Variants in SLC6A6 observed in about 807,000 individuals in gnomAD.
The protein encoded by SLC6A6 is sodium- and chloride-dependent taurine transporter.
SLC6A6 carries 16 observed loss-of-function variants against 68.8 expected under a neutral mutation model. That is an observed-to-expected ratio of 0.23 (90% CI 0.16 to 0.35). The LOEUF (loss-of-function observed/expected upper bound fraction) is 0.35, where lower values mean the gene tolerates loss of function less well. SLC6A6 is among the 10% of genes least tolerant of loss of function. The probability of loss-of-function intolerance (pLI) is 1.00; values close to 1 mark genes in which losing one functional copy is unlikely to be tolerated. For missense variants in SLC6A6, 474 were observed against 802.8 expected, an observed-to-expected ratio of 0.59 and a Z score of 4.95; for synonymous variants, 312 against 315.4, an observed-to-expected ratio of 0.99 and a Z score of 0.12.
chr3:14,424,909 C>T lies in SLC6A6; in HGVS notation c.-12+8456C>T, dbSNP rs116216266. ...CTATTGAAGGAAGCTCGGTCGAAGCCGCCTGTTTGACACACAACACCGGCT... is the reference window on the plus strand; with the variant it reads ...CTATTGAAGGAAGCTCGGTCGAAGCTGCCTGTTTGACACACAACACCGGCT... On this transcript the variant is annotated intron_variant, in intron 2 of 14. Transcript: ENST00000622186. 6.5e-3 allele frequency among the ~76,000 whole-genome samples: 992 copies of T among 152,222 alleles called. 10 individuals carry two copies. Among genetic ancestry groups the T allele is most frequent in the African/African-American group, 0.022 (924 of 41,514 alleles).
intron 1 of SLC6A6, among the ~76,000 whole-genome samples, chr3:14,408,593 C>T (rs371879292): frequency 7.4e-4 from 112 of 152,236 alleles, no homozygotes; most frequent in African/African-American, 8.9e-4. Flanking sequence ...CCTTGGCCTT[C>T]GAAAATGCTG....
chr3:14,479,447 G>A (rs148834422), intron 13 of SLC6A6, among the ~76,000 whole-genome samples: 1 of 152,282 alleles, frequency 6.6e-6, no homozygotes, highest in Non-Finnish European at 1.5e-5. Context: ...CGGGGCCAAG[G>A]CATCCTAAAA....
rs78644671 is a variant in SLC6A6, at chr3:14,409,489, A to G, written c.-54+6642A>G. Among the ~76,000 whole-genome samples, 789 of 152,350 alleles carry G rather than the reference A, an allele frequency of 5.2e-3. 7 individuals carry two copies. Among genetic ancestry groups the G allele is most frequent in the African/African-American group, 0.018 (763 of 41,584 alleles). The stretch of plus-strand genomic sequence containing the variant: ...GCCCCAGCCCACACTCAGCTAGGAA[A>G]GGGTGGAAGGAGCGCTGGACCCAGA... On this transcript the variant is annotated intron_variant, in intron 1 of 14. Transcript: ENST00000622186.
At chr3:14,412,360 A>G (rs1699269408) in intron 1 of SLC6A6, among the ~76,000 whole-genome samples, 1 of 152,218 alleles carries the variant, frequency 6.6e-6, no homozygotes, top group Non-Finnish European at 1.5e-5. Flanking sequence ...TAGAATATCA[A>G]TTAGAACAGA....
At position 14,477,330 on chromosome 3, in the gene SLC6A6, G is replaced by C. The variant is rs1480425493; in HGVS notation, c.1335G>C (p.Thr445=). 4 of 1,614,088 alleles carry C rather than the reference G, an allele frequency of 2.5e-6. No homozygotes were observed. The highest frequency in any genetic ancestry group is 1.3e-5 in the African/African-American group (1 of 75,044). ...VCSISYLLGL[T]MVTEGGMYVF... ...GCATCAGCTACCTGCTGGGGCTGAC[G>C]ATGGTGACGGAGGTAGGTGGCTCTC... The change falls in exon 11 of 15, where the codon ACG becomes ACC. Residue 445 remains threonine, a synonymous_variant. Coordinates refer to ENST00000622186, the MANE Select transcript of SLC6A6 (RefSeq NM_003043.6). This position sits in a 1 kb window ranked among gnomAD's most constrained non-coding sequence, Gnocchi z 4.2.
Position 14,484,946 on chromosome 3 carries a change from G to A in SLC6A6, c.1802G>A (p.Arg601His), listed in dbSNP as rs200063855. ...EREGATPYNS[R>H]TVMNGALVKP... Reference sequence around the variant, plus strand: ...GAGGGAGCCACACCTTACAACTCTCGCACCGTCATGAACGGCGCTCTCGTG... The same window carrying A: ...GAGGGAGCCACACCTTACAACTCTCACACCGTCATGAACGGCGCTCTCGTG... The change falls in exon 15 of 15, where the codon CGC becomes CAC. Residue 601 changes from arginine (R) to histidine (H), a missense_variant. Physicochemically the swap from Arg to His is conservative, Grantham distance 29. This residue lies in a region of SLC6A6 where 194 missense variants were observed against 269.8 expected (regional missense o/e 0.72). Transcript: ENST00000622186. 5.2e-5 allele frequency: 84 copies of A among 1,612,936 alleles called. No homozygotes were observed. The highest frequency in any genetic ancestry group is 2.3e-4 in the South Asian group (21 of 91,012).
intron 1 of SLC6A6, among the ~76,000 whole-genome samples, chr3:14,403,284 T>C (rs1345137322): frequency 1.3e-5 from 2 of 152,194 alleles, no homozygotes; most frequent in African/African-American, 2.4e-5. Flanking sequence ...TGTGTGTGTG[T>C]GCCTCTCTGT....
intron 3 of SLC6A6, 110 bp from the exon 4 acceptor site, chr3:14,445,607 A>C: frequency 8.0e-7 from 1 of 1,247,086 alleles, no homozygotes; most frequent in Non-Finnish European, 1.2e-6. Flanking sequence ...CTTGAGCCTC[A>C]TGCCCCTCAT....
chr3:14,443,858 G>A lies in SLC6A6; in HGVS notation c.224G>A (p.Gly75Asp), dbSNP rs1471788439. ...WRFPYLCYKN[G>D]GGAFLIPYFI... The stretch of plus-strand genomic sequence containing the variant: ...TTCCCGTACCTCTGCTACAAGAATG[G>A]TGGAGGTGAGCTTGGGCCGGGCCAC... The change falls in exon 3 of 15, where the codon GGT (glycine) becomes GAT (aspartate). Residue 75 changes from glycine (G) to aspartate (D), a missense_variant. By Grantham distance (94) the Gly-to-Asp change is moderately conservative. Around this residue, in one of 2 missense-constraint regions of SLC6A6, gnomAD observed 280 missense variants for 533.1 expected, o/e 0.53. Transcript: ENST00000622186. The A allele has an allele frequency of 6.2e-7, 1 of 1,611,146 alleles. No homozygotes were observed. Among genetic ancestry groups the A allele is most frequent in the Admixed American group, 1.7e-5 (1 of 60,030 alleles).
At chr3:14,456,693 AT>A in intron 5 of SLC6A6, among the ~76,000 whole-genome samples, 1 of 152,226 alleles carries the variant, frequency 6.6e-6, no homozygotes. Context: ...CCCCAAGAGC[AT>A]CCTGGGCAGG....
At chr3:14,463,428 C>T (rs1361232580) in intron 6 of SLC6A6, among the ~76,000 whole-genome samples, 5 of 152,274 alleles carry the variant, frequency 3.3e-5, no homozygotes, top group Non-Finnish European at 7.3e-5. Context: ...GCCACCTCCA[C>T]ACCCCTGTCC....
At position 14,416,119 on chromosome 3, in the gene SLC6A6, G is replaced by A. The variant is rs111431259; in HGVS notation, c.-53-293G>A. Among the ~76,000 whole-genome samples, 717 of 152,334 alleles carry A rather than the reference G, an allele frequency of 4.7e-3. 4 individuals are homozygous for A. Among genetic ancestry groups the A allele is most frequent in the African/African-American group, 0.017 (693 of 41,562 alleles). ...GTGCATGTGTGAGTGTGTGTCCCAT[G>A]TGGGTCTGTGTGTGGCTGTGAACAT... On this transcript the variant is annotated intron_variant, in intron 1 of 14. Transcript: ENST00000622186.
At chr3:14,443,224 G>C (rs1700032858) in intron 2 of SLC6A6, among the ~76,000 whole-genome samples, 1 of 152,180 alleles carries the variant, frequency 6.6e-6, no homozygotes, top group East Asian at 1.9e-4. Context: ...TCTAGAAACT[G>C]CTTGCAGGCT....
intron 10 of SLC6A6, among the ~76,000 whole-genome samples, chr3:14,475,572 G>C (rs1472601200): frequency 1.3e-5 from 2 of 152,216 alleles, no homozygotes; most frequent in Non-Finnish European, 2.9e-5. Flanking sequence ...AGCGACGGAG[G>C]GCTGAAGAGG....
At chr3:14,416,620 C>T (rs1368825637) in intron 2 of SLC6A6, among the ~76,000 whole-genome samples, 167 bp downstream of exon 2, 4 of 152,230 alleles carry the variant, frequency 2.6e-5, no homozygotes, top group Non-Finnish European at 5.9e-5. Flanking sequence ...TGGCAGATCC[C>T]CTGGCCTGGC....
chr3:14,415,671 C>T (rs1286409813), intron 1 of SLC6A6, among the ~76,000 whole-genome samples: 3 of 152,196 alleles, frequency 2.0e-5, no homozygotes, highest in African/African-American at 4.8e-5. Flanking sequence ...CCCCCAGCTG[C>T]CTATTTCCCA....
chr3:14,466,486 T>C (rs2124979212), intron 6 of SLC6A6, 30 bp from the exon 7 acceptor site: 1 of 1,594,062 alleles, frequency 6.3e-7, no homozygotes, highest in Non-Finnish European at 8.6e-7. Flanking sequence ...GTGATGCCCA[T>C]GGCCTCCTGA....
chr3:14,467,714 G>A (rs1021415084), intron 7 of SLC6A6, 139 bp from the exon 8 acceptor site: 19 of 609,542 alleles, frequency 3.1e-5, no homozygotes, highest in South Asian at 2.2e-4. Flanking sequence ...CCTTGGATTC[G>A]AGCATAAATG....
At position 14,481,829 on chromosome 3, in the gene SLC6A6, G is replaced by A; in HGVS notation, c.1710G>A (p.Gly570=). Residue 570 remains glycine (G), a synonymous_variant, in exon 14 of 15, where the codon GGG becomes GGA. Transcript: ENST00000622186. This position sits in a 1 kb window ranked among gnomAD's most constrained non-coding sequence, Gnocchi z 4.7. ...TCATCCGCCTCTGCCAGACTGAGGG[G>A]CCGTTCCTTGTGGTAAGTGCTTGGG... ...VIVIRLCQTE[G]PFLVRVKYLL... 6.2e-7 allele frequency: 1 copy of A among 1,613,920 alleles called. No individual in the cohort carries two copies.
Sources: gnomAD v4.1 joint callset for allele counts (sites outside exome capture counted in the v4.1 genomes callset) on GRCh38, gnomAD v4.1.1 for gene constraint, gnomAD v4.1.1 regional missense constraint, Gnocchi (gnomAD v3.1) non-coding constraint, MANE v1.5 for transcripts, NCBI Gene and HGNC (gene_info 2026-07-23, HGNC 2026-07-21) for gene names.